The following ROR1 variants were observed in gnomAD, a reference collection of about 807,000 sequenced individuals.
The protein encoded by ROR1 is ROR family WNT receptor 1.
In ROR1, 19 loss-of-function variants were observed where a neutral mutation model predicts 78.8. The ratio of observed to expected loss-of-function variants is 0.24; its 90% CI spans 0.17 to 0.35. The LOEUF is 0.35. ROR1 is among the 10% of genes least tolerant of loss of function. The pLI is 1.00. For missense variants in ROR1, 917 were observed against 1,177.8 expected (o/e 0.78, Z 3.24); for synonymous variants, 386 against 433.6 (o/e 0.89, Z 1.36).
At chr1:64,172,540 C>G (rs1650269601) in intron 8 of ROR1, among the ~76,000 whole-genome samples, 1 of 152,154 alleles carries the variant, frequency 6.6e-6, no homozygotes, top group Non-Finnish European at 1.5e-5. Flanking sequence ...CCGAGGCCAT[C>G]TTGTCCTTCA....
At chr1:63,781,736 G>A (rs1209403105) in intron 1 of ROR1, among the ~76,000 whole-genome samples, 1 of 152,200 alleles carries the variant, frequency 6.6e-6, no homozygotes, top group East Asian at 1.9e-4. Context: ...TGAGTGTTCT[G>A]CTATAGTTAT....
intron 1 of ROR1, among the ~76,000 whole-genome samples, chr1:63,913,935 T>C (rs1645590295): frequency 6.6e-6 from 1 of 152,162 alleles, no homozygotes; most frequent in Non-Finnish European, 1.5e-5. Flanking sequence ...CCGGGGAGCC[T>C]TCCCTAGCAG....
At chr1:63,986,039 C>A (rs542335507) in intron 1 of ROR1, among the ~76,000 whole-genome samples, 25 of 152,070 alleles carry the variant, frequency 1.6e-4, no homozygotes, top group African/African-American at 5.8e-4. Flanking sequence ...GCACTGGCCA[C>A]CTAGATAGAC....
In ROR1 at chr1:64,171,089, C is replaced by T. The variant is rs551224276; in HGVS notation, c.1387-6339C>T. 4.8e-5 allele frequency: 8 copies of T among 166,892 alleles called. No individual in the cohort carries two copies. The East Asian group carries it at 5.2e-4, about 11-fold the overall frequency. 10.3% of individuals were successfully genotyped at this position (166,892 alleles called of 1,614,324 possible). On this transcript the variant is annotated intron_variant, in intron 8 of 8. Coordinates refer to ENST00000371079, the MANE Select transcript of ROR1 (RefSeq NM_005012.4). ...AGTTCCAAAGTCACTTCCACATTTT[C>T]GGGTATCTTTTCAGCAGCACCCCAC...
chr1:64,108,581 C>T (rs926954457), intron 4 of ROR1, among the ~76,000 whole-genome samples: 5 of 152,002 alleles, frequency 3.3e-5, no homozygotes, highest in South Asian at 2.1e-4. Flanking sequence ...CAGAGCTGGC[C>T]GTGGGAATCA....
chr1:63,888,826 C>T (rs1645374841), intron 1 of ROR1, among the ~76,000 whole-genome samples: 1 of 152,042 alleles, frequency 6.6e-6, no homozygotes, highest in Non-Finnish European at 1.5e-5. Context: ...CAGCATTTGA[C>T]ATATATTATT....
At position 64,132,692 on chromosome 1, in the gene ROR1, G is replaced by T. The variant is rs1418577511; in HGVS notation, c.483-4677G>T. On this transcript the variant is annotated intron_variant, in intron 4 of 8. Coordinates refer to ENST00000371079, the MANE Select transcript of ROR1 (RefSeq NM_005012.4). ...GGAGAATCGCTTGAACCCAGGAGGTGGAGGTTTCAGTGAGCTGAGATCGCG... is the reference window on the plus strand; with the variant it reads ...GGAGAATCGCTTGAACCCAGGAGGTTGAGGTTTCAGTGAGCTGAGATCGCG... Among the ~76,000 whole-genome samples, 3 of 150,356 alleles carry T rather than the reference G, an allele frequency of 2.0e-5. No homozygotes were observed. The East Asian group carries it at 5.9e-4, about 30-fold the overall frequency.
intron 1 of ROR1, among the ~76,000 whole-genome samples, chr1:63,992,563 T>C (rs1646304950): frequency 6.6e-6 from 1 of 152,208 alleles, no homozygotes; most frequent in Admixed American, 6.5e-5. Flanking sequence ...AGAGATGGAC[T>C]GTATAGACAC....
At chr1:64,172,316 A>C (rs1209865881) in intron 8 of ROR1, among the ~76,000 whole-genome samples, 1 of 152,214 alleles carries the variant, frequency 6.6e-6, no homozygotes, top group African/African-American at 2.4e-5. Context: ...AGTTCATTTA[A>C]ACTCTAATAC....
intron 1 of ROR1, among the ~76,000 whole-genome samples, chr1:63,874,212 T>C (rs1645269229): frequency 6.6e-6 from 1 of 152,188 alleles, no homozygotes. Flanking sequence ...ACTCTCTTGT[T>C]TTAGAACACA....
intron 4 of ROR1, among the ~76,000 whole-genome samples, chr1:64,082,037 G>T (rs1261429441): frequency 6.6e-6 from 1 of 152,172 alleles, no homozygotes; most frequent in Non-Finnish European, 1.5e-5. Context: ...CTGATTTACA[G>T]CTGTAGACAG....
intron 8 of ROR1, among the ~76,000 whole-genome samples, chr1:64,167,652 G>A (rs1023901675): frequency 2.0e-5 from 3 of 152,162 alleles, no homozygotes; most frequent in African/African-American, 7.2e-5. Flanking sequence ...AGGAAAATAG[G>A]TTTTGGAGTC....
intron 2 of ROR1, among the ~76,000 whole-genome samples, chr1:64,014,573 A>G (rs1035088620): frequency 6.7e-6 from 1 of 148,974 alleles, no homozygotes; most frequent in Non-Finnish European, 1.5e-5. Flanking sequence ...GAGGTTCTCT[A>G]TAGAAAGCCA....
At chr1:63,962,350 A>G (rs1646036213) in intron 1 of ROR1, among the ~76,000 whole-genome samples, 1 of 152,274 alleles carries the variant, frequency 6.6e-6, no homozygotes, top group South Asian at 2.1e-4. Context: ...CTCCTCTTGA[A>G]TAAGTGAACG....
intron 1 of ROR1, among the ~76,000 whole-genome samples, chr1:63,824,194 G>A (rs1173205027): frequency 6.6e-6 from 1 of 152,172 alleles, no homozygotes; most frequent in East Asian, 1.9e-4. Context: ...GGGTTGGGTA[G>A]ACAGAAATCA....
chr1:63,956,567 C>T (rs1487978024), intron 1 of ROR1, among the ~76,000 whole-genome samples: 1 of 152,184 alleles, frequency 6.6e-6, no homozygotes, highest in African/African-American at 2.4e-5. Flanking sequence ...GCCCAAATTC[C>T]CTTAATTCCC....
intron 8 of ROR1, among the ~76,000 whole-genome samples, chr1:64,163,650 C>T (rs1650008376): frequency 6.6e-6 from 1 of 152,190 alleles, no homozygotes; most frequent in Admixed American, 6.5e-5. Context: ...CAGCTTCTCT[C>T]CTTTTTCACT....
intron 2 of ROR1, among the ~76,000 whole-genome samples, chr1:64,013,008 A>G (rs1017262322): frequency 2.6e-5 from 4 of 152,154 alleles, no homozygotes; most frequent in African/African-American, 9.7e-5. Flanking sequence ...TCTTGACTCC[A>G]CTATGCGTTT....
intron 7 of ROR1, among the ~76,000 whole-genome samples, chr1:64,145,524 C>T (rs975025536): frequency 6.6e-6 from 1 of 152,136 alleles, no homozygotes; most frequent in African/African-American, 2.4e-5. Context: ...TTTCATACAC[C>T]TTCATATGGG....
Sources: gnomAD v4.1 joint callset for allele counts (sites outside exome capture counted in the v4.1 genomes callset) on GRCh38, gnomAD v4.1.1 for gene constraint, MANE v1.5 for transcripts, NCBI Gene and HGNC (gene_info 2026-07-23, HGNC 2026-07-21) for gene names.